Variants in LRRC4C observed in about 807,000 individuals in gnomAD.
LRRC4C encodes the protein leucine-rich repeat-containing protein 4C.
In LRRC4C, 5 loss-of-function variants were observed where a neutral mutation model predicts 33.6. The observed-to-expected ratio is 0.15, with a 90% confidence interval of 0.08 to 0.31. LRRC4C has a LOEUF of 0.31. LRRC4C is among the 10% of genes least tolerant of loss of function. The pLI is 1.00. For missense variants in LRRC4C, 560 were observed against 796.7 expected (o/e 0.70, Z 3.58); for synonymous variants, 329 against 302.0 (o/e 1.09, Z -0.93).
intron 3 of LRRC4C, among the ~76,000 whole-genome samples, chr11:40,583,034 C>G (rs983635002): frequency 6.6e-6 from 1 of 152,056 alleles, no homozygotes; most frequent in Non-Finnish European, 1.5e-5. Context: ...GTAATACTAC[C>G]GTGCTACCAA....
At chr11:40,984,321 G>T (rs12273876) in intron 1 of LRRC4C, among the ~76,000 whole-genome samples, 1 of 117,754 alleles carries the variant, frequency 8.5e-6, no homozygotes, top group African/African-American at 3.2e-5. Flanking sequence ...GAAAGAAAAA[G>T]AAAAGAAAGA....
intron 1 of LRRC4C, among the ~76,000 whole-genome samples, chr11:41,361,450 C>T (rs1044365523): frequency 1.3e-4 from 20 of 152,182 alleles, no homozygotes; most frequent in African/African-American, 4.8e-4. Context: ...TGAATGTTCA[C>T]ACAATTTGCC....
chr11:41,244,188 T>TCTATCTATCTATCTATCTAC (rs1384959472), intron 1 of LRRC4C, among the ~76,000 whole-genome samples: 9 of 150,492 alleles, frequency 6.0e-5, no homozygotes, highest in African/African-American at 2.2e-4. Context: ...TATCTATCTA[T>TCTATCTATCTATCTATCTAC]CTATCGATCG....
intron 3 of LRRC4C, among the ~76,000 whole-genome samples, chr11:40,439,806 T>A (rs992490614): frequency 6.6e-6 from 1 of 152,126 alleles, no homozygotes; most frequent in Non-Finnish European, 1.5e-5. Context: ...CATTTAAAAA[T>A]GCAAAAACAA....
At chr11:41,387,635 G>A (rs1591404013) in intron 1 of LRRC4C, among the ~76,000 whole-genome samples, 1 of 151,678 alleles carries the variant, frequency 6.6e-6, no homozygotes, top group Non-Finnish European at 1.5e-5. Flanking sequence ...GAATGGAAAA[G>A]TCCAATAAAT....
At chr11:41,347,420 T>C (rs1415338685) in intron 1 of LRRC4C, among the ~76,000 whole-genome samples, 1 of 152,200 alleles carries the variant, frequency 6.6e-6, no homozygotes, top group Non-Finnish European at 1.5e-5. Context: ...AGTGGTCTTA[T>C]GGCATCCCTG....
intron 5 of LRRC4C, among the ~76,000 whole-genome samples, chr11:40,159,913 G>C (rs1006511248): frequency 2.6e-5 from 4 of 152,102 alleles, no homozygotes; most frequent in Non-Finnish European, 4.4e-5. Flanking sequence ...AATAATATTT[G>C]GCATGTAAGT....
At chr11:41,458,583 T>A (rs1465268953) in intron 1 of LRRC4C, among the ~76,000 whole-genome samples, 1 of 151,530 alleles carries the variant, frequency 6.6e-6, no homozygotes, top group East Asian at 2.0e-4. Context: ...CACAGTTAAC[T>A]ACCAGGAAAC....
chr11:40,664,097 A>T (rs1943591256), intron 2 of LRRC4C, among the ~76,000 whole-genome samples: 1 of 152,204 alleles, frequency 6.6e-6, no homozygotes, highest in Non-Finnish European at 1.5e-5. Context: ...TTCTGCATAC[A>T]TAGGAGAAAT....
intron 1 of LRRC4C, among the ~76,000 whole-genome samples, chr11:41,217,681 A>G (rs1565488210): frequency 6.6e-6 from 1 of 152,186 alleles, no homozygotes; most frequent in East Asian, 1.9e-4. Flanking sequence ...AAAAGACTTG[A>G]TTAAATTAAT....
intron 1 of LRRC4C, among the ~76,000 whole-genome samples, chr11:41,192,969 C>T (rs926392512): frequency 6.6e-6 from 1 of 151,810 alleles, no homozygotes; most frequent in Non-Finnish European, 1.5e-5. Flanking sequence ...CAAAAGTGAC[C>T]TACTCTGGAA....
chr11:41,015,244 C>T (rs925716401), intron 1 of LRRC4C, among the ~76,000 whole-genome samples: 1 of 152,092 alleles, frequency 6.6e-6, no homozygotes, highest in Non-Finnish European at 1.5e-5. Flanking sequence ...ATTTTACTTA[C>T]TGTCAATAAC....
chr11:40,723,836 C>A (rs967654196), intron 2 of LRRC4C, among the ~76,000 whole-genome samples: 2 of 152,104 alleles, frequency 1.3e-5, no homozygotes, highest in African/African-American at 4.8e-5. Flanking sequence ...AAAAACAGGA[C>A]TCAACCTTCT....
intron 4 of LRRC4C, among the ~76,000 whole-genome samples, chr11:40,280,410 T>C (rs1943394448): frequency 6.6e-6 from 1 of 152,222 alleles, no homozygotes; most frequent in East Asian, 1.9e-4. Flanking sequence ...GCCACGTGCA[T>C]TAAGCAGGCA....
At chr11:40,954,784 C>A (rs2136776165) in intron 1 of LRRC4C, among the ~76,000 whole-genome samples, 1 of 151,910 alleles carries the variant, frequency 6.6e-6, no homozygotes, top group South Asian at 2.1e-4. Flanking sequence ...CTTGGCACCA[C>A]CATTTGCAAT....
At chr11:40,332,382 A>G (rs1946401385) in intron 3 of LRRC4C, among the ~76,000 whole-genome samples, 1 of 152,014 alleles carries the variant, frequency 6.6e-6, no homozygotes, top group East Asian at 1.9e-4. Context: ...TGTAAGTCTA[A>G]TTTATTTTTA....
intron 1 of LRRC4C, among the ~76,000 whole-genome samples, chr11:41,074,915 C>T (rs547463817): frequency 4.0e-5 from 6 of 151,654 alleles, no homozygotes; most frequent in Admixed American, 3.9e-4. Context: ...AAATGGGCTT[C>T]AATGGTTCTG....
chr11:41,173,106 A>G (rs1945046228), intron 1 of LRRC4C, among the ~76,000 whole-genome samples: 1 of 152,174 alleles, frequency 6.6e-6, no homozygotes, highest in Admixed American at 6.6e-5. Context: ...TCTCCAAAAT[A>G]GTCTCCTGGA....
chr11:40,294,007 C>CA (rs1358657064), intron 4 of LRRC4C: 1 of 152,586 alleles, frequency 6.6e-6, no homozygotes, highest in Non-Finnish European at 1.5e-5. Flanking sequence ...CAGCTCTTGC[C>CA]AGCCCAGGCT....
Sources: allele counts gnomAD v4.1 joint callset (sites outside exome capture counted in the v4.1 genomes callset), GRCh38; gene constraint gnomAD v4.1.1; transcripts MANE v1.5; gene names NCBI Gene and HGNC (gene_info 2026-07-23, HGNC 2026-07-21).